FBXW7: variants seen among roughly 807,000 people sequenced by gnomAD.
FBXW7 encodes the protein F-box and WD repeat domain containing 7, also known as F-box/WD repeat-containing protein 7.
FBXW7 carries 11 observed loss-of-function variants against 86.3 expected under a neutral mutation model. The observed-to-expected ratio is 0.13, with a 90% CI of 0.08 to 0.21. The LOEUF (loss-of-function observed/expected upper bound fraction) is 0.21. Ranked by LOEUF, FBXW7 falls within the 10% of genes least tolerant of loss-of-function variation. The probability of loss-of-function intolerance (pLI) is 1.00; values close to 1 mark genes in which losing one functional copy is unlikely to be tolerated. For synonymous variants in FBXW7, 313 were observed against 297.9 expected (o/e 1.05, Z -0.52); for missense variants, 488 against 847.4 (o/e 0.58, Z 5.27).
At chr4:152,373,166 A>AC (rs1560819495) in intron 4 of FBXW7, among the ~76,000 whole-genome samples, 1 of 152,022 alleles carries the variant, frequency 6.6e-6, no homozygotes, top group Non-Finnish European at 1.5e-5. Context: ...TGTCCTAGCT[A>AC]CATTACTTAC....
intron 2 of FBXW7, among the ~76,000 whole-genome samples, chr4:152,499,807 T>C (rs1746746134): frequency 6.6e-6 from 1 of 152,168 alleles, no homozygotes; most frequent in African/African-American, 2.4e-5. Context: ...AAGTAAGGCC[T>C]TCTCCTATGA....
intron 4 of FBXW7, among the ~76,000 whole-genome samples, chr4:152,389,144 C>A (rs574420622): frequency 1.3e-5 from 2 of 151,734 alleles, no homozygotes; most frequent in East Asian, 3.9e-4. Context: ...TAGATGTTGG[C>A]GAGGATGTGG....
intron 2 of FBXW7, among the ~76,000 whole-genome samples, chr4:152,478,281 A>G (rs1030788333): frequency 6.6e-6 from 1 of 152,030 alleles, no homozygotes; most frequent in African/African-American, 2.4e-5. Flanking sequence ...TGCCAGCTTT[A>G]TATATTTGCC....
chr4:152,444,952 T>C (rs1296291511), intron 2 of FBXW7, among the ~76,000 whole-genome samples: 1 of 152,178 alleles, frequency 6.6e-6, no homozygotes, highest in African/African-American at 2.4e-5. Flanking sequence ...TCCTCCTACA[T>C]GGCTGTGACT....
chr4:152,457,458 C>T (rs531760347), intron 2 of FBXW7, among the ~76,000 whole-genome samples: 2 of 152,066 alleles, frequency 1.3e-5, no homozygotes, highest in Admixed American at 6.5e-5. Flanking sequence ...CTGGCTAACA[C>T]GGTGAAACCC....
At chr4:152,354,783 A>C (rs1732210247) in intron 4 of FBXW7, among the ~76,000 whole-genome samples, 1 of 152,112 alleles carries the variant, frequency 6.6e-6, no homozygotes, top group Non-Finnish European at 1.5e-5. Flanking sequence ...GTATGTGGGT[A>C]CTGTCCTGTA....
intron 2 of FBXW7, among the ~76,000 whole-genome samples, chr4:152,514,701 T>C (rs1464012318): frequency 1.3e-5 from 2 of 152,168 alleles, no homozygotes; most frequent in Non-Finnish European, 2.9e-5. Context: ...TGCCTCACCA[T>C]GTGATACCTG....
chr4:152,420,898 G>A (rs1302672158), intron 2 of FBXW7, among the ~76,000 whole-genome samples: 2 of 152,086 alleles, frequency 1.3e-5, no homozygotes, highest in South Asian at 4.1e-4. Flanking sequence ...GCTTCCACTT[G>A]AGGTCACCAG....
At chr4:152,450,187 A>G (rs550187916) in intron 2 of FBXW7, among the ~76,000 whole-genome samples, 19 of 152,330 alleles carry the variant, frequency 1.2e-4, no homozygotes, top group African/African-American at 4.6e-4. Context: ...ACAGGCATGC[A>G]CTTCACATTC....
intron 2 of FBXW7, among the ~76,000 whole-genome samples, chr4:152,507,989 G>A (rs1747586823): frequency 6.6e-6 from 1 of 151,960 alleles, no homozygotes; most frequent in African/African-American, 2.4e-5. Context: ...GATCACTTGA[G>A]CCCAGGAAAT....
chr4:152,413,060 AAT>A (rs1445733424), intron 2 of FBXW7, among the ~76,000 whole-genome samples: 1 of 152,106 alleles, frequency 6.6e-6, no homozygotes, highest in Non-Finnish European at 1.5e-5. Context: ...ACACACAAGA[AAT>A]TATGCACCCG....
chr4:152,381,697 A>C (rs1458557594), intron 4 of FBXW7, among the ~76,000 whole-genome samples: 1 of 152,094 alleles, frequency 6.6e-6, no homozygotes, highest in East Asian at 1.9e-4. Flanking sequence ...ATTTTATATA[A>C]CAGCAAAAAG....
At chr4:152,421,242 T>A (rs535863150) in intron 2 of FBXW7, among the ~76,000 whole-genome samples, 1 of 152,360 alleles carries the variant, frequency 6.6e-6, no homozygotes, top group African/African-American at 2.4e-5. Context: ...CTTCATAGAA[T>A]TGAAGTAAGT....
intron 2 of FBXW7, among the ~76,000 whole-genome samples, chr4:152,418,751 G>A (rs930418962): frequency 5.9e-5 from 9 of 152,022 alleles, no homozygotes; most frequent in South Asian, 4.1e-4. Flanking sequence ...GCAATTTCTC[G>A]CACATATGAA....
rs917514376 is a variant in FBXW7, at chr4:152,428,749, G to A, written c.-119-16220C>T. ...TTGAGAATTGGTAAGGAAGCAAGAT[G>A]AAATATATTCAAACAAAGCTGAATA... On this transcript the variant is annotated intron_variant, in intron 2 of 13. Coordinates refer to ENST00000281708, the MANE Select transcript of FBXW7 (RefSeq NM_001349798.2). Among the ~76,000 whole-genome samples, 8 of 152,346 alleles carry A rather than the reference G, an allele frequency of 5.3e-5. No homozygotes were observed. In the South Asian group the frequency reaches 1.7e-3, roughly 32 times the overall value.
At chr4:152,456,361 A>G (rs1448568243) in intron 2 of FBXW7, among the ~76,000 whole-genome samples, 1 of 33,586 alleles carries the variant, frequency 3.0e-5, no homozygotes, top group Admixed American at 3.5e-4. Context: ...AAAAATCCTT[A>G]AAAAAAAAAA....
At chr4:152,450,878 A>G (rs1240843234) in intron 2 of FBXW7, among the ~76,000 whole-genome samples, 1 of 152,232 alleles carries the variant, frequency 6.6e-6, no homozygotes, top group East Asian at 1.9e-4. Flanking sequence ...AAGGTATAGA[A>G]TACTTGTGAA....
chr4:152,438,727 G>C (rs1042141300), intron 2 of FBXW7, among the ~76,000 whole-genome samples: 22 of 152,230 alleles, frequency 1.4e-4, no homozygotes, highest in African/African-American at 5.1e-4. Context: ...AGTAAAGTAA[G>C]GGACAAATGG....
chr4:152,398,411 T>C (rs982799478), intron 4 of FBXW7, among the ~76,000 whole-genome samples: 1 of 151,928 alleles, frequency 6.6e-6, no homozygotes, highest in Non-Finnish European at 1.5e-5. Context: ...AAAACCTAAA[T>C]ATTTTATATC....
Sources: allele counts gnomAD v4.1 joint callset (sites outside exome capture counted in the v4.1 genomes callset), GRCh38; gene constraint gnomAD v4.1.1; transcripts MANE v1.5; gene names NCBI Gene and HGNC (gene_info 2026-07-23, HGNC 2026-07-21).